The following FA2H variants were observed in gnomAD, a reference collection of about 807,000 sequenced individuals.
FA2H encodes the protein fatty acid alpha-hydroxylase.
In FA2H, 22 loss-of-function variants were observed where a neutral mutation model predicts 44.9. The observed-to-expected ratio is 0.49, with a 90% confidence interval of 0.35 to 0.70. The LOEUF (loss-of-function observed/expected upper bound fraction) is 0.70, where lower values mean the gene tolerates loss of function less well. Among genes scored for constraint, FA2H ranks in the 30% least tolerant of loss-of-function variants. The probability of loss-of-function intolerance (pLI) is 0.01; values close to 1 mark genes in which losing one functional copy is unlikely to be tolerated. For missense variants in FA2H, 501 were observed against 504.9 expected, an observed-to-expected ratio of 0.99 and a Z score of 0.07; for synonymous variants, 243 against 213.2, an observed-to-expected ratio of 1.14 and a Z score of -1.22.
At chr16:74,718,101 C>T (rs756697337) in intron 5 of FA2H, among the ~76,000 whole-genome samples, 3 of 152,152 alleles carry the variant, frequency 2.0e-5, no homozygotes, top group Non-Finnish European at 4.4e-5. Flanking sequence ...AGGACCACAG[C>T]CAACCAACCT....
intron 1 of FA2H, among the ~76,000 whole-genome samples, chr16:74,756,338 T>C (rs1414531477): frequency 6.6e-6 from 1 of 152,088 alleles, no homozygotes; most frequent in African/African-American, 2.4e-5. Context: ...CTGAAATCAC[T>C]ACTATTCCAT....
chr16:74,740,228 C>T (rs1567642436), intron 1 of FA2H, 113 bp from the exon 2 acceptor site: 2 of 825,544 alleles, frequency 2.4e-6, no homozygotes, highest in African/African-American at 3.3e-5. Flanking sequence ...GTGGGTGGGG[C>T]AGGGTGGTGG....
intron 1 of FA2H, among the ~76,000 whole-genome samples, chr16:74,771,427 G>A (rs559310262): frequency 4.4e-4 from 67 of 151,982 alleles, no homozygotes; most frequent in African/African-American, 1.6e-3. Flanking sequence ...CTGACCTCAA[G>A]TGATCAGCCT....
chr16:74,768,116 C>T (rs538783403), intron 1 of FA2H, among the ~76,000 whole-genome samples: 2 of 152,122 alleles, frequency 1.3e-5, no homozygotes, highest in Non-Finnish European at 2.9e-5. Context: ...AAAAAATAAG[C>T]GAAGATGATG....
intron 4 of FA2H, among the ~76,000 whole-genome samples, chr16:74,721,950 C>T (rs574959886): frequency 1.3e-5 from 2 of 152,344 alleles, no homozygotes; most frequent in South Asian, 2.1e-4. Context: ...TGCCAGGCAC[C>T]GCCCAAGGGC....
At chr16:74,765,318 G>A (rs1253782630) in intron 1 of FA2H, among the ~76,000 whole-genome samples, 2 of 151,936 alleles carry the variant, frequency 1.3e-5, no homozygotes, top group Admixed American at 1.3e-4. Flanking sequence ...CACCACACCT[G>A]GCTAATTTTT....
chr16:74,722,386 A>T (rs1305742292), intron 4 of FA2H, among the ~76,000 whole-genome samples: 1 of 151,956 alleles, frequency 6.6e-6, no homozygotes, highest in Non-Finnish European at 1.5e-5. Flanking sequence ...AAGTAAAAAA[A>T]TTAGCTGGGC....
chr16:74,727,164 A>C (rs1231167763), intron 3 of FA2H, 80 bp downstream of exon 3: 1 of 1,581,126 alleles, frequency 6.3e-7, no homozygotes, highest in Non-Finnish European at 8.7e-7. Flanking sequence ...GAGGGACTCA[A>C]TTGCCCCCTC....
At chr16:74,739,914 C>A in intron 2 of FA2H, 109 bp downstream of exon 2, 1 of 862,964 alleles carries the variant, frequency 1.2e-6, no homozygotes, top group Non-Finnish European at 2.0e-6. Context: ...TCCCCTTCTC[C>A]CCTGGGCACA....
chr16:74,752,504 T>G (rs755136361), intron 1 of FA2H, among the ~76,000 whole-genome samples: 1 of 152,174 alleles, frequency 6.6e-6, no homozygotes, highest in African/African-American at 2.4e-5. Context: ...TGCTGTTCCC[T>G]CTGCCTGGAA....
chr16:74,740,174 C>A, intron 1 of FA2H, 59 bp from the exon 2 acceptor site: 1 of 1,378,504 alleles, frequency 7.3e-7, no homozygotes, highest in South Asian at 1.2e-5. Flanking sequence ...GGGCAGAGCC[C>A]CGAGCTGCCC....
rs57773726 is a variant in FA2H at position 74,741,773 on chromosome 16, A to AATATATATATATATAT, written c.271-1674_271-1659dup. 1.2e-3 allele frequency among the ~76,000 whole-genome samples: 60 copies of AATATATATATATATAT among 48,012 alleles called. 1 individual carries two copies. The highest frequency in any genetic ancestry group is 1.6e-3 in the Non-Finnish European group (44 of 27,618). The allele number at this position is 48,012 out of a possible 152,430, so 31.5% of individuals were successfully genotyped here. ...ACCGTGCTGGGCCAACACCTGATTA[A>AATATATATATATATAT]ATATATATATATATATATATATATA... On this transcript the variant is annotated intron_variant, in intron 1 of 6. Transcript: ENST00000219368.
At chr16:74,746,616 G>A (rs927394550) in intron 1 of FA2H, among the ~76,000 whole-genome samples, 8 of 152,118 alleles carry the variant, frequency 5.3e-5, no homozygotes, top group Admixed American at 2.0e-4. Context: ...GATGTGGGCC[G>A]AACCAACACA....
Position 74,714,132 on chromosome 16 carries a change from T to C in FA2H, c.*58A>G. On this transcript the variant is annotated 3_prime_UTR_variant, in exon 7 of 7. Transcript: ENST00000219368. ...TTCTTAATGGGGTCTGAATGGCGGGTGGGGGTCGGGAAGGGGCCAGGGCCG... is the reference window on the plus strand; with the variant it reads ...TTCTTAATGGGGTCTGAATGGCGGGCGGGGGTCGGGAAGGGGCCAGGGCCG... 9.9e-7 allele frequency: 1 copy of C among 1,005,062 alleles called. No homozygotes were observed. The highest frequency in any genetic ancestry group is 1.5e-6 in the Non-Finnish European group (1 of 673,072). The allele number at this position is 1,005,062 out of a possible 1,614,324, so 62.3% of individuals were successfully genotyped here. A position where few individuals can be genotyped will look rare whatever the true frequency, so the allele number is the denominator to read the frequency against.
In FA2H at chr16:74,727,371, G is replaced by C; in HGVS notation, c.379C>G (p.Arg127Gly). Residue 127 changes from arginine (R) to glycine (G), a missense_variant, in exon 3 of 7, where the codon CGA becomes GGA. Arg to Gly is a moderately radical substitution (Grantham distance 125, BLOSUM62 -2). Coordinates refer to ENST00000219368, the MANE Select transcript of FA2H (RefSeq NM_024306.5). Reference sequence around the variant, plus strand: ...CCCACCTGCCACAGGAGAGGCTTTCGCCAGTCCACCAGGTCCTGCAAGAGA... The same window carrying C: ...CCCACCTGCCACAGGAGAGGCTTTCCCCAGTCCACCAGGTCCTGCAAGAGA... ...VDWDKDLVDW[R>G]KPLLWQVGHL... 1.2e-6 allele frequency: 2 copies of C among 1,614,232 alleles called. No individual in the cohort carries two copies. Among genetic ancestry groups the C allele is most frequent in the South Asian group, 2.2e-5 (2 of 91,088 alleles).
intron 2 of FA2H, among the ~76,000 whole-genome samples, chr16:74,736,653 T>C (rs1005305504): frequency 6.6e-6 from 1 of 152,164 alleles, no homozygotes; most frequent in Non-Finnish European, 1.5e-5. Context: ...ATCACACCCA[T>C]TGGCCAGCCC....
rs1182556156 is a variant in FA2H, at chr16:74,714,335, A to C, written c.1040-66T>G. ...GGAGCAGGCGTGCGCTGGCTTGGGAAGGGTGCCAGGGTAGGGATAAGAGGT... is the reference window on the plus strand; with the variant it reads ...GGAGCAGGCGTGCGCTGGCTTGGGACGGGTGCCAGGGTAGGGATAAGAGGT... On this transcript the variant is annotated intron_variant, in intron 6 of 6. Coordinates refer to ENST00000219368, the MANE Select transcript of FA2H (RefSeq NM_024306.5). The C allele has an allele frequency of 4.0e-6, 4 of 1,003,946 alleles. No individual in the cohort carries two copies. The Admixed American group carries it at 8.0e-5, about 20-fold the overall frequency. 62.2% of individuals were successfully genotyped at this position (1,003,946 alleles called of 1,614,324 possible).
chr16:74,745,635 G>A (rs1337343998), intron 1 of FA2H, among the ~76,000 whole-genome samples: 3 of 152,126 alleles, frequency 2.0e-5, no homozygotes, highest in Non-Finnish European at 4.4e-5. Flanking sequence ...CCTCCTTAGA[G>A]CCTTCCAGCC....
intron 4 of FA2H, among the ~76,000 whole-genome samples, chr16:74,722,607 A>C (rs1033973910): frequency 5.3e-5 from 8 of 151,656 alleles, no homozygotes; most frequent in Non-Finnish European, 1.2e-4. Flanking sequence ...TTGGCTTGTC[A>C]AGTCCTTAAA....
Sources: allele counts gnomAD v4.1 joint callset (sites outside exome capture counted in the v4.1 genomes callset), GRCh38; gene constraint gnomAD v4.1.1; transcripts MANE v1.5; gene names NCBI Gene and HGNC (gene_info 2026-07-23, HGNC 2026-07-21).